RBFOX1: variants seen among roughly 807,000 people sequenced by gnomAD.
RBFOX1 encodes the protein RNA binding protein fox-1 homolog 1.
In RBFOX1, 8 loss-of-function variants were observed where a neutral mutation model predicts 57.7. The observed-to-expected ratio is 0.14, with a 90% CI of 0.08 to 0.25. RBFOX1 has a LOEUF of 0.25. Ranked by LOEUF, RBFOX1 falls within the 10% of genes least tolerant of loss-of-function variation. RBFOX1 has a pLI of 1.00. For missense variants in RBFOX1, 611 were observed against 548.5 expected (o/e 1.11, Z -1.14); for synonymous variants, 326 against 222.4 (o/e 1.47, Z -4.15).
At chr16:5,314,567 C>G (rs2064180605) in intron 1 of RBFOX1, among the ~76,000 whole-genome samples, 1 of 152,190 alleles carries the variant, frequency 6.6e-6, no homozygotes, top group Non-Finnish European at 1.5e-5. Flanking sequence ...GTGGTGCAAT[C>G]ACAGCTCACT....
intron 3 of RBFOX1, among the ~76,000 whole-genome samples, chr16:6,783,147 T>C (rs561613759): frequency 1.3e-5 from 2 of 151,858 alleles, no homozygotes; most frequent in Middle Eastern, 3.4e-3. Context: ...GAGTTCCTTA[T>C]AGGCAGCATA....
intron 3 of RBFOX1, among the ~76,000 whole-genome samples, chr16:6,899,701 G>A (rs910360975): frequency 2.6e-5 from 4 of 152,142 alleles, no homozygotes; most frequent in African/African-American, 9.7e-5. Context: ...AGATTTTCTC[G>A]CCCATGGAGG....
At chr16:5,811,500 G>A (rs1425876938) in intron 3 of RBFOX1, among the ~76,000 whole-genome samples, 1 of 149,368 alleles carries the variant, frequency 6.7e-6, no homozygotes, top group African/African-American at 2.5e-5. Flanking sequence ...CACCAGGCTG[G>A]AGTGCAGTGG....
chr16:6,193,907 C>T (rs1230426618), intron 1 of RBFOX1, among the ~76,000 whole-genome samples: 1 of 152,114 alleles, frequency 6.6e-6, no homozygotes, highest in Non-Finnish European at 1.5e-5. Context: ...TTCCTGTGTT[C>T]ACACCTAAGC....
intron 4 of RBFOX1, among the ~76,000 whole-genome samples, chr16:7,214,923 C>T (rs762058981): frequency 5.3e-5 from 8 of 152,200 alleles, no homozygotes; most frequent in Admixed American, 2.0e-4. Flanking sequence ...AGTTCTCGGA[C>T]ACATGTACTG....
rs143738707 is a variant in RBFOX1 at position 6,918,245 on chromosome 16, G to A, written c.-15-133812G>A. The stretch of plus-strand genomic sequence containing the variant: ...TGCAGTGAGCTGAGATTGTACCATT[G>A]CAATCCAGCCTGGGTGACAGAGCAA... On this transcript the variant is annotated intron_variant, in intron 3 of 15. Transcript: ENST00000550418. 8.9e-3 allele frequency among the ~76,000 whole-genome samples: 1,329 copies of A among 149,794 alleles called. 20 individuals carry two copies. Among genetic ancestry groups the A allele is most frequent in the African/African-American group, 0.031 (1,250 of 40,572 alleles).
intron 3 of RBFOX1, among the ~76,000 whole-genome samples, chr16:5,686,610 G>A (rs753346322): frequency 2.0e-5 from 3 of 151,964 alleles, no homozygotes; most frequent in Non-Finnish European, 4.4e-5. Flanking sequence ...TTTGACTACT[G>A]CCTCCCCTAG....
intron 2 of RBFOX1, among the ~76,000 whole-genome samples, chr16:6,348,593 C>G (rs900595966): frequency 6.6e-6 from 1 of 152,178 alleles, no homozygotes; most frequent in Non-Finnish European, 1.5e-5. Flanking sequence ...ATGGCAGAAT[C>G]TGCATCTGGG....
intron 14 of RBFOX1, among the ~76,000 whole-genome samples, chr16:7,699,065 C>A (rs2079763101): frequency 6.6e-6 from 1 of 152,176 alleles, no homozygotes; most frequent in Non-Finnish European, 1.5e-5. Flanking sequence ...TCGCCTTCCC[C>A]TGCCCCTGAG....
intron 3 of RBFOX1, among the ~76,000 whole-genome samples, chr16:6,955,073 A>G (rs1444131272): frequency 1.6e-5 from 2 of 123,742 alleles, no homozygotes; most frequent in Non-Finnish European, 3.6e-5. Flanking sequence ...TCTACAAAAA[A>G]AAAAAAACAC....
intron 3 of RBFOX1, among the ~76,000 whole-genome samples, chr16:6,712,072 G>C (rs1425170156): frequency 2.0e-5 from 3 of 152,098 alleles, no homozygotes; most frequent in African/African-American, 7.2e-5. Flanking sequence ...TTTCTGTGTG[G>C]TGTTACATTC....
At chr16:6,906,671 A>G (rs2070051964) in intron 3 of RBFOX1, among the ~76,000 whole-genome samples, 1 of 152,038 alleles carries the variant, frequency 6.6e-6, no homozygotes, top group African/African-American at 2.4e-5. Context: ...CTTGGGACTT[A>G]AAAAGAGCCT....
At chr16:6,358,050 T>A (rs1012115483) in intron 2 of RBFOX1, among the ~76,000 whole-genome samples, 2 of 151,914 alleles carry the variant, frequency 1.3e-5, no homozygotes, top group Non-Finnish European at 2.9e-5. Context: ...TTCGGCTTCA[T>A]CAACTTCCAG....
intron 1 of RBFOX1, among the ~76,000 whole-genome samples, chr16:6,284,915 G>T (rs796758861): frequency 6.6e-6 from 1 of 152,062 alleles, no homozygotes; most frequent in Non-Finnish European, 1.5e-5. Context: ...AAACAAATAC[G>T]CTTCCAAATG....
intron 4 of RBFOX1, among the ~76,000 whole-genome samples, chr16:7,103,200 G>C (rs189698491): frequency 6.6e-6 from 1 of 152,104 alleles, no homozygotes; most frequent in Non-Finnish European, 1.5e-5. Context: ...GATTTTTAAA[G>C]AGGGGATAAA....
At chr16:5,921,276 C>T (rs973646796) in intron 4 of RBFOX1, among the ~76,000 whole-genome samples, 3 of 152,160 alleles carry the variant, frequency 2.0e-5, no homozygotes, top group Non-Finnish European at 2.9e-5. Context: ...TTCCCTCTTT[C>T]GCCTCCCTTC....
At chr16:6,470,540 T>G (rs2095150399) in intron 2 of RBFOX1, among the ~76,000 whole-genome samples, 1 of 152,230 alleles carries the variant, frequency 6.6e-6, no homozygotes, top group South Asian at 2.1e-4. Flanking sequence ...TCTATGTGCA[T>G]GAATTCCAGT....
chr16:6,926,365 C>T (rs2075588144), intron 3 of RBFOX1, among the ~76,000 whole-genome samples: 1 of 152,106 alleles, frequency 6.6e-6, no homozygotes, highest in Non-Finnish European at 1.5e-5. Context: ...CAGAGTTGTG[C>T]AACAGGAGAC....
chr16:6,862,440 G>T (rs1385266073), intron 3 of RBFOX1, among the ~76,000 whole-genome samples: 1 of 152,142 alleles, frequency 6.6e-6, no homozygotes, highest in Non-Finnish European at 1.5e-5. Context: ...GGTGCTATGG[G>T]GATGCAATGG....
Sources: allele counts gnomAD v4.1 joint callset (sites outside exome capture counted in the v4.1 genomes callset), GRCh38; gene constraint gnomAD v4.1.1; transcripts MANE v1.5; gene names NCBI Gene and HGNC (gene_info 2026-07-23, HGNC 2026-07-21).